HMGCLL1: variants seen among roughly 807,000 people sequenced by gnomAD.
The protein encoded by HMGCLL1 is 3-hydroxy-3-methylglutaryl-CoA lyase like 1, also known as 3-hydroxymethyl-3-methylglutaryl-CoA lyase, cytoplasmic.
In HMGCLL1, 36 loss-of-function variants were observed where a neutral mutation model predicts 39.1. The observed-to-expected ratio is 0.92, with a 90% CI of 0.71 to 1.22. The LOEUF is 1.22. Ranked by LOEUF, HMGCLL1 falls within the 50% of genes most tolerant of loss-of-function variation. The pLI, the probability that HMGCLL1 is intolerant of heterozygous loss-of-function variation, is 0.00. For missense variants in HMGCLL1, 451 were observed against 416.5 expected, an observed-to-expected ratio of 1.08 and a Z score of -0.72; for synonymous variants, 149 against 144.0, an observed-to-expected ratio of 1.03 and a Z score of -0.25.
In HMGCLL1 at chr6:55,578,892, G is replaced by T; in HGVS notation, c.108+56C>A. 11 of 1,299,394 alleles carry T rather than the reference G, an allele frequency of 8.5e-6. 1 individual carries two copies. The highest frequency in any genetic ancestry group is 1.5e-5 in the African/African-American group (1 of 68,414). 80.5% of individuals were successfully genotyped at this position (1,299,394 alleles called of 1,614,324 possible). A position where few individuals can be genotyped will look rare whatever the true frequency, so the allele number is the denominator to read the frequency against. On this transcript the variant is annotated intron_variant, in intron 1 of 8. Coordinates refer to ENST00000274901, the MANE Select transcript of HMGCLL1 (RefSeq NM_001042406.2). Reference sequence around the variant, plus strand: ...GGCACCAAGAGGTTGCAGGGAGAGAGGCTGGCTGTCAGTGTGCGCATGAGG... The same window carrying T: ...GGCACCAAGAGGTTGCAGGGAGAGATGCTGGCTGTCAGTGTGCGCATGAGG...
chr6:55,491,070 T>C (rs1766286406), intron 7 of HMGCLL1, among the ~76,000 whole-genome samples: 1 of 152,188 alleles, frequency 6.6e-6, no homozygotes, highest in African/African-American at 2.4e-5. Flanking sequence ...CTAGAAATTC[T>C]GTATCTCATC....
chr6:55,435,466 C>T lies in HMGCLL1; in HGVS notation c.*196G>A, dbSNP rs1385160416. 3 of 384,054 alleles carry T rather than the reference C, an allele frequency of 7.8e-6. No individual in the cohort carries two copies. Among genetic ancestry groups the T allele is most frequent in the Non-Finnish European group, 1.4e-5 (3 of 215,320 alleles). 23.8% of individuals were successfully genotyped at this position (384,054 alleles called of 1,614,324 possible). ...GACAAGTTTTATTATTTATCCTCAG[C>T]TTGCAATTTACCTGATGACTGATAT... is the stretch of plus-strand genomic sequence containing the variant. On this transcript the variant is annotated 3_prime_UTR_variant, in exon 9 of 9. Coordinates refer to ENST00000274901, the MANE Select transcript of HMGCLL1 (RefSeq NM_001042406.2).
intron 3 of HMGCLL1, among the ~76,000 whole-genome samples, chr6:55,539,275 C>T (rs979961146): frequency 1.3e-4 from 20 of 152,222 alleles, no homozygotes; most frequent in African/African-American, 4.6e-4. Context: ...CATTAAAGAA[C>T]TTAGAATGTG....
chr6:55,505,864 A>T (rs143695083), intron 5 of HMGCLL1, among the ~76,000 whole-genome samples: 5 of 151,854 alleles, frequency 3.3e-5, no homozygotes, highest in Admixed American at 1.3e-4. Context: ...AGAAAATGGC[A>T]TAACCTCCTT....
At chr6:55,573,650 G>A in intron 1 of HMGCLL1, among the ~76,000 whole-genome samples, 1 of 151,846 alleles carries the variant, frequency 6.6e-6, no homozygotes, top group East Asian at 1.9e-4. Context: ...ATACGGAGAA[G>A]AAAAGAAAGA....
chr6:55,531,389 C>T (rs1453499669), intron 3 of HMGCLL1, among the ~76,000 whole-genome samples: 1 of 152,158 alleles, frequency 6.6e-6, no homozygotes, highest in Non-Finnish European at 1.5e-5. Flanking sequence ...CAATTACATA[C>T]AGACCTTTCA....
intron 6 of HMGCLL1, among the ~76,000 whole-genome samples, chr6:55,497,894 G>A (rs987682950): frequency 3.9e-5 from 6 of 152,118 alleles, no homozygotes; most frequent in Admixed American, 2.6e-4. Context: ...TAATGAGAAA[G>A]CAAAAACTGA....
At chr6:55,642,055 C>G in the HMGCLL1 span, among the ~76,000 whole-genome samples, 2 of 94,216 alleles carry the variant, frequency 2.1e-5, no homozygotes, top group African/African-American at 8.1e-5. Flanking sequence ...CTATCCCTCC[C>G]CCCTCCCCCC....
At chr6:55,640,773 A>G in the HMGCLL1 span, among the ~76,000 whole-genome samples, 1 of 151,536 alleles carries the variant, frequency 6.6e-6, no homozygotes. Context: ...TATGTATTAT[A>G]TATACTATTT....
intron 7 of HMGCLL1, among the ~76,000 whole-genome samples, chr6:55,452,657 C>T (rs1201522532): frequency 3.9e-5 from 6 of 152,160 alleles, no homozygotes; most frequent in Admixed American, 6.5e-5. Flanking sequence ...AGCTGAGATT[C>T]AGAATCAGGT....
chr6:55,551,930 T>A (rs1770348752), intron 1 of HMGCLL1, among the ~76,000 whole-genome samples: 1 of 152,022 alleles, frequency 6.6e-6, no homozygotes, highest in African/African-American at 2.4e-5. Context: ...AGTGCTATAT[T>A]CATTCACCTA....
At chr6:55,626,301 C>T in the HMGCLL1 span, among the ~76,000 whole-genome samples, 1 of 152,102 alleles carries the variant, frequency 6.6e-6, no homozygotes, top group Non-Finnish European at 1.5e-5. Context: ...TATCCGCTGT[C>T]ATGGTATTCC....
At chr6:55,541,031 A>G (rs567679822) in intron 3 of HMGCLL1, among the ~76,000 whole-genome samples, 2 of 152,302 alleles carry the variant, frequency 1.3e-5, no homozygotes, top group African/African-American at 4.8e-5. Flanking sequence ...GTAGTCAGTG[A>G]AACTAAGTGC....
chr6:55,586,349 CT>C, the HMGCLL1 span, among the ~76,000 whole-genome samples: 1 of 151,432 alleles, frequency 6.6e-6, no homozygotes, highest in Non-Finnish European at 1.5e-5. Flanking sequence ...GTAAGAGCAA[CT>C]GAAAACAGCC....
chr6:55,546,421 A>G (rs149623933), intron 1 of HMGCLL1, among the ~76,000 whole-genome samples: 1,908 of 152,228 alleles, frequency 0.013, 33 homozygotes, highest in African/African-American at 0.043. Flanking sequence ...ATCAAAATGG[A>G]TACATAATAA....
the HMGCLL1 span, among the ~76,000 whole-genome samples, chr6:55,664,906 T>C: frequency 1.3e-5 from 2 of 151,500 alleles, no homozygotes; most frequent in African/African-American, 4.8e-5. Flanking sequence ...GGATCAGAGA[T>C]AGAGTGAGAG....
At chr6:55,505,366 GT>G (rs1767098676) in intron 5 of HMGCLL1, among the ~76,000 whole-genome samples, 1 of 151,604 alleles carries the variant, frequency 6.6e-6, no homozygotes, top group Non-Finnish European at 1.5e-5. Context: ...GAAATTATAT[GT>G]AATCTCAAAT....
At chr6:55,519,541 A>G (rs965207758) in intron 3 of HMGCLL1, among the ~76,000 whole-genome samples, 1 of 152,254 alleles carries the variant, frequency 6.6e-6, no homozygotes, top group South Asian at 2.1e-4. Flanking sequence ...TTTTTCTAAC[A>G]TGCACACACA....
chr6:55,660,279 G>A, the HMGCLL1 span, among the ~76,000 whole-genome samples: 1 of 151,804 alleles, frequency 6.6e-6, no homozygotes, highest in Non-Finnish European at 1.5e-5. Context: ...GTAAACTCAT[G>A]TCACAGGGTT....
Sources: allele counts gnomAD v4.1 joint callset (sites outside exome capture counted in the v4.1 genomes callset), GRCh38; gene constraint gnomAD v4.1.1; transcripts MANE v1.5; gene names NCBI Gene and HGNC (gene_info 2026-07-23, HGNC 2026-07-21).